The following MAP3K5 variants were observed in gnomAD, a reference collection of about 807,000 sequenced individuals.
The protein encoded by MAP3K5 is ASK-1.
Under a neutral mutation model 158.7 loss-of-function variants are expected in MAP3K5, and 56 were observed. The observed-to-expected ratio is 0.35, with a 90% CI of 0.28 to 0.44. The LOEUF (loss-of-function observed/expected upper bound fraction) is 0.44, where lower values mean the gene tolerates loss of function less well. MAP3K5 is among the 20% of genes least tolerant of loss of function. The pLI, the probability that MAP3K5 is intolerant of heterozygous loss-of-function variation, is 1.00. For synonymous variants in MAP3K5, 579 were observed against 601.7 expected, an observed-to-expected ratio of 0.96 and a Z score of 0.55; for missense variants, 1,294 against 1,674.8, an observed-to-expected ratio of 0.77 and a Z score of 3.97.
intron 23 of MAP3K5, among the ~76,000 whole-genome samples, chr6:136,585,118 T>G (rs59031063): frequency 0.05 from 7,166 of 142,174 alleles, 522 homozygotes; most frequent in African/African-American, 0.17. Flanking sequence ...TTTTTTTTTT[T>G]GTTTTTTTTT....
chr6:136,585,644 C>T (rs1362956895), intron 23 of MAP3K5, among the ~76,000 whole-genome samples: 1 of 151,954 alleles, frequency 6.6e-6, no homozygotes, highest in Non-Finnish European at 1.5e-5. Flanking sequence ...GGATTACAGG[C>T]ACCTGTCATG....
intron 24 of MAP3K5, among the ~76,000 whole-genome samples, chr6:136,582,608 T>C (rs1357268432): frequency 1.3e-5 from 2 of 152,226 alleles, no homozygotes; most frequent in African/African-American, 4.8e-5. Flanking sequence ...TTACACAGTG[T>C]CTCAGAGAAT....
intron 23 of MAP3K5, among the ~76,000 whole-genome samples, chr6:136,585,669 G>C (rs533134658): frequency 2.6e-5 from 4 of 151,576 alleles, no homozygotes; most frequent in African/African-American, 4.8e-5. Context: ...GCTAACTTTT[G>C]TATTTTTAGT....
chr6:136,623,441 T>C (rs1337904500), intron 14 of MAP3K5, among the ~76,000 whole-genome samples: 6 of 152,180 alleles, frequency 3.9e-5, no homozygotes, highest in African/African-American at 1.4e-4. Context: ...GAAGAAAATG[T>C]TGACATCTTA....
chr6:136,705,238 C>A, intron 2 of MAP3K5, 105 bp from the exon 3 acceptor site: 1 of 540,814 alleles, frequency 1.8e-6, no homozygotes, highest in South Asian at 2.4e-5. Flanking sequence ...ATGATATTAG[C>A]AATTAGAAAT....
intron 19 of MAP3K5, among the ~76,000 whole-genome samples, chr6:136,604,024 C>T (rs977696992): frequency 2.6e-5 from 4 of 152,110 alleles, no homozygotes; most frequent in Admixed American, 6.5e-5. Context: ...TAACAATTAC[C>T]ATCAAAAGTC....
chr6:136,744,368 CATACATAT>C (rs1782841890), intron 1 of MAP3K5, among the ~76,000 whole-genome samples: 1 of 149,498 alleles, frequency 6.7e-6, no homozygotes, highest in Non-Finnish European at 1.5e-5. Flanking sequence ...CGTGTGTGTA[CATACATAT>C]ATACATATAT....
At position 136,561,580 on chromosome 6, in the gene MAP3K5, T is replaced by A. The variant is rs975901668; in HGVS notation, c.3940A>T (p.Thr1314Ser). 1 of 1,613,946 alleles carries A rather than the reference T, an allele frequency of 6.2e-7. No individual in the cohort carries two copies. Among genetic ancestry groups the A allele is most frequent in the African/African-American group, 1.3e-5 (1 of 74,940 alleles). Residue 1314 changes from threonine to serine, a missense_variant, in exon 28 of 30, where the codon ACC becomes TCC. Physicochemically the swap from Thr to Ser is moderately conservative, Grantham distance 58. This residue lies in a region of MAP3K5 where 199 missense variants were observed against 220.3 expected (regional missense o/e 0.90). Coordinates refer to ENST00000359015, the MANE Select transcript of MAP3K5 (RefSeq NM_005923.4). ...SGTNTEDSEL[T>S]DWLRVNGADE... ...GCTCCATTCACTCTCAGCCAGTCGG[T>A]AAGTTCAGAATCTTCAGTATTTGTG...
chr6:136,621,075 T>C (rs1198001701), intron 15 of MAP3K5, among the ~76,000 whole-genome samples: 3 of 152,230 alleles, frequency 2.0e-5, no homozygotes, highest in Non-Finnish European at 4.4e-5. Flanking sequence ...GTATATATTA[T>C]ACATTTTGTA....
intron 25 of MAP3K5, among the ~76,000 whole-genome samples, chr6:136,576,940 C>T (rs1403703822): frequency 2.0e-5 from 3 of 151,920 alleles, no homozygotes; most frequent in South Asian, 2.1e-4. Context: ...CCGGGAGCAA[C>T]AGGCCATACC....
chr6:136,648,136 C>G (rs1778353609), intron 11 of MAP3K5: 1 of 152,146 alleles, frequency 6.6e-6, no homozygotes, highest in Non-Finnish European at 1.5e-5. Flanking sequence ...TAGCTGAAAG[C>G]CTGTCTTCAA....
chr6:136,765,504 T>C (rs1401329607), intron 1 of MAP3K5, among the ~76,000 whole-genome samples: 1 of 150,888 alleles, frequency 6.6e-6, no homozygotes, highest in Non-Finnish European at 1.5e-5. Context: ...TGTTTATTTT[T>C]ATCTTTTTTT....
At chr6:136,612,399 A>G (rs1776382659) in intron 17 of MAP3K5, among the ~76,000 whole-genome samples, 1 of 152,198 alleles carries the variant, frequency 6.6e-6, no homozygotes. Context: ...CAGATATATA[A>G]TGATGTATGT....
intron 9 of MAP3K5, among the ~76,000 whole-genome samples, chr6:136,658,599 C>T (rs1160121535): frequency 6.6e-6 from 1 of 152,102 alleles, no homozygotes; most frequent in Admixed American, 6.6e-5. Flanking sequence ...CAGGTGTGAG[C>T]CACCGTGCGC....
intron 2 of MAP3K5, among the ~76,000 whole-genome samples, chr6:136,711,090 G>A (rs116629987): frequency 0.012 from 1,763 of 152,116 alleles, 31 homozygotes; most frequent in African/African-American, 0.041. Flanking sequence ...TCATAGAGCC[G>A]TGACACAGAG....
At position 136,603,236 on chromosome 6, in the gene MAP3K5, G is replaced by A. The variant is rs372714395; in HGVS notation, c.2680-1257C>T. Among the ~76,000 whole-genome samples the A allele has an allele frequency of 3.1e-4, 47 of 150,356 alleles. 1 individual carries two copies. In the East Asian group the frequency reaches 7.2e-3, roughly 23 times the overall value. On this transcript the variant is annotated intron_variant, in intron 19 of 29. Transcript: ENST00000359015. ...TGCCCAGGTTGGAGTGCAGTGGTGC[G>A]ATCTTGACTCACTGCAACCTCCATC... is the stretch of plus-strand genomic sequence containing the variant.
At chr6:136,719,793 T>C (rs1004152606) in intron 2 of MAP3K5, among the ~76,000 whole-genome samples, 1 of 152,220 alleles carries the variant, frequency 6.6e-6, no homozygotes, top group African/African-American at 2.4e-5. Context: ...AAGCTCAGCA[T>C]GCGATTCACT....
chr6:136,625,792 A>G lies in MAP3K5; in HGVS notation c.2017-2811T>C, dbSNP rs185680682. 3.3e-5 allele frequency among the ~76,000 whole-genome samples: 5 copies of G among 152,356 alleles called. No homozygotes were observed. In the East Asian group the frequency reaches 9.6e-4, roughly 29 times the overall value. ...AAACTATGTAAGGAAACAATTCAAC[A>G]TCAGTGAAAACATATATGACAAATC... On this transcript the variant is annotated intron_variant, in intron 14 of 29. Coordinates refer to ENST00000359015, the MANE Select transcript of MAP3K5 (RefSeq NM_005923.4).
rs984413194 is a variant in MAP3K5 at position 136,689,975 on chromosome 6, A to AT, written c.1253+4164dup. Reference sequence around the variant, plus strand: ...TCCTAAACTAAGTTGGCCTCCTTGAATTTTTTTTTAAAATCAAGGACTATT... The same window carrying AT: ...TCCTAAACTAAGTTGGCCTCCTTGAATTTTTTTTTTAAAATCAAGGACTATT... On this transcript the variant is annotated intron_variant, in intron 7 of 29. Transcript: ENST00000359015. Among the ~76,000 whole-genome samples the AT allele has an allele frequency of 3.4e-4, 51 of 151,778 alleles. 1 individual carries two copies. Among genetic ancestry groups the AT allele is most frequent in the African/African-American group, 1.1e-3 (46 of 41,412 alleles).
Sources: gnomAD v4.1 joint callset for allele counts (sites outside exome capture counted in the v4.1 genomes callset) on GRCh38, gnomAD v4.1.1 for gene constraint, gnomAD v4.1.1 regional missense constraint, MANE v1.5 for transcripts, NCBI Gene and HGNC (gene_info 2026-07-23, HGNC 2026-07-21) for gene names.